GK5: variants seen among roughly 807,000 people sequenced by gnomAD.
GK5 encodes ATP:glycerol 3-phosphotransferase 5.
GK5 carries 39 observed loss-of-function variants against 77.3 expected under a neutral mutation model. The ratio of observed to expected loss-of-function variants is 0.50; its 90% CI spans 0.39 to 0.66. The LOEUF (loss-of-function observed/expected upper bound fraction) is 0.66, where lower values mean the gene tolerates loss of function less well. Ranked by LOEUF, GK5 falls within the 30% of genes least tolerant of loss-of-function variation. GK5 has a pLI of 0.00. For synonymous variants in GK5, 211 were observed against 208.0 expected, an observed-to-expected ratio of 1.01 and a Z score of -0.13; for missense variants, 487 against 633.8, an observed-to-expected ratio of 0.77 and a Z score of 2.49.
chr3:142,175,169 A>C (rs1258512491), intron 12 of GK5, among the ~76,000 whole-genome samples: 1 of 152,162 alleles, frequency 6.6e-6, no homozygotes, highest in Non-Finnish European at 1.5e-5. Context: ...AGTAACTCTA[A>C]CGTCCAGGTA....
At chr3:142,206,168 T>C (rs181928391) in intron 3 of GK5, among the ~76,000 whole-genome samples, 23 of 152,364 alleles carry the variant, frequency 1.5e-4, no homozygotes, top group Admixed American at 1.4e-3. Flanking sequence ...CATCTGTTGG[T>C]ACACACTTGG....
intron 2 of GK5, among the ~76,000 whole-genome samples, chr3:142,214,624 T>A (rs2064245866): frequency 6.6e-6 from 1 of 152,186 alleles, no homozygotes; most frequent in Non-Finnish European, 1.5e-5. Flanking sequence ...AAATTGCCAA[T>A]GTCATAAGAA....
At chr3:142,203,529 C>T (rs1444719049) in intron 4 of GK5, among the ~76,000 whole-genome samples, 2 of 152,200 alleles carry the variant, frequency 1.3e-5, no homozygotes, top group East Asian at 3.8e-4. Flanking sequence ...AATCCCCGCA[C>T]TTTGGGAGGC....
At chr3:142,210,876 T>C (rs984028980) in intron 3 of GK5, among the ~76,000 whole-genome samples, 2 of 152,250 alleles carry the variant, frequency 1.3e-5, no homozygotes, top group African/African-American at 4.8e-5. Context: ...CTGGGGCCAA[T>C]GGCCAAGTGA....
At chr3:142,178,556 C>T (rs1430285920) in intron 11 of GK5, among the ~76,000 whole-genome samples, 2 of 152,212 alleles carry the variant, frequency 1.3e-5, no homozygotes, top group Non-Finnish European at 2.9e-5. Flanking sequence ...TGTTAAACAT[C>T]GTACTCGTGA....
At chr3:142,170,954 C>G (rs778207823) in intron 14 of GK5, among the ~76,000 whole-genome samples, 3 of 151,992 alleles carry the variant, frequency 2.0e-5, no homozygotes, top group Non-Finnish European at 4.4e-5. Context: ...TGTAGCTGGG[C>G]GCGTTGGCTC....
At chr3:142,223,448 G>A (rs913651500) in intron 1 of GK5, among the ~76,000 whole-genome samples, 1 of 152,204 alleles carries the variant, frequency 6.6e-6, no homozygotes, top group Non-Finnish European at 1.5e-5. Flanking sequence ...GCTGGGATAG[G>A]GATAGTGTGT....
intron 3 of GK5, among the ~76,000 whole-genome samples, chr3:142,212,786 T>C (rs1392734015): frequency 2.0e-5 from 3 of 151,526 alleles, no homozygotes; most frequent in Non-Finnish European, 4.4e-5. Context: ...ATTATAACTG[T>C]GTTTAGAGTA....
rs1005072924 is a variant in GK5 at position 142,160,595 on chromosome 3, C to A, written c.*5027G>T. On this transcript the variant is annotated 3_prime_UTR_variant, in exon 16 of 16. Coordinates refer to ENST00000392993, the MANE Select transcript of GK5 (RefSeq NM_001039547.3). ...ATTCAATCTGTTAGTCATCTGCAGT[C>A]AAATATATAAAACCTGTGAAGAGAA... is the stretch of plus-strand genomic sequence containing the variant. The A allele has an allele frequency of 3.3e-5, 5 of 152,142 alleles. No individual in the cohort carries two copies. The highest frequency in any genetic ancestry group is 7.2e-5 in the African/African-American group (3 of 41,424). The allele number at this position is 152,142 out of a possible 1,614,324, so 9.4% of individuals were successfully genotyped here.
chr3:142,178,360 A>G (rs2063649859), intron 11 of GK5, among the ~76,000 whole-genome samples: 1 of 152,224 alleles, frequency 6.6e-6, no homozygotes, highest in Non-Finnish European at 1.5e-5. Context: ...CAGATATATT[A>G]AAAGTCAATT....
intron 11 of GK5, 48 bp from the exon 12 acceptor site, chr3:142,177,624 G>A: frequency 9.5e-7 from 1 of 1,050,424 alleles, no homozygotes; most frequent in Non-Finnish European, 1.5e-6. Context: ...AAATGAAGAG[G>A]TTAGAGAGGC....
intron 4 of GK5, among the ~76,000 whole-genome samples, chr3:142,200,857 A>G (rs1560228158): frequency 6.6e-6 from 1 of 152,246 alleles, no homozygotes; most frequent in Non-Finnish European, 1.5e-5. Flanking sequence ...CAAATTGAAC[A>G]ATATGGGCAG....
rs1216157365 is a variant in GK5, at chr3:142,185,942, G to A, written c.803C>T (p.Pro268Leu). The A allele has an allele frequency of 1.9e-6, 3 of 1,608,826 alleles. No homozygotes were observed. Among genetic ancestry groups the A allele is most frequent in the Non-Finnish European group, 2.5e-6 (3 of 1,177,410 alleles). ...TTTCCTACTTACCAAGGCAACTATT[G>A]GTATAGGCACACCAAATATCTCTTC... ...VDEEIFGVPI[P>L]IVALVADQQS... Residue 268 changes from proline to leucine, a missense_variant, in exon 9 of 16, where the codon CCA becomes CTA. Around this residue, in one of 4 missense-constraint regions of GK5, gnomAD observed 323 missense variants for 437.4 expected, o/e 0.74. Coordinates refer to ENST00000392993, the MANE Select transcript of GK5 (RefSeq NM_001039547.3).
chr3:142,193,486 A>C (rs895135310), intron 5 of GK5, among the ~76,000 whole-genome samples: 1 of 151,262 alleles, frequency 6.6e-6, no homozygotes, highest in African/African-American at 2.4e-5. Flanking sequence ...TCTGCTACAA[A>C]AAAAAAAAAA....
chr3:142,202,762 A>C (rs1008380943), intron 4 of GK5, among the ~76,000 whole-genome samples: 4 of 152,060 alleles, frequency 2.6e-5, no homozygotes, highest in African/African-American at 9.7e-5. Context: ...TTCAAGACCA[A>C]CCTGACCAAC....
At chr3:142,198,625 G>A (rs1216693459) in intron 5 of GK5, among the ~76,000 whole-genome samples, 177 bp downstream of exon 5, 14 of 152,066 alleles carry the variant, frequency 9.2e-5, no homozygotes, top group Non-Finnish European at 2.1e-4. Flanking sequence ...AAAAAGAAAA[G>A]CAAAACAAAC....
At chr3:142,167,380 A>G (rs2063485557) in intron 15 of GK5, among the ~76,000 whole-genome samples, 1 of 152,072 alleles carries the variant, frequency 6.6e-6, no homozygotes, top group Admixed American at 6.5e-5. Flanking sequence ...TCTCAAAAAA[A>G]AAAAATTTTT....
intron 5 of GK5, among the ~76,000 whole-genome samples, chr3:142,197,204 AAAAG>A (rs937409155): frequency 4.1e-4 from 62 of 152,238 alleles, no homozygotes; most frequent in African/African-American, 1.3e-3. Flanking sequence ...AGAGAAAAAA[AAAAG>A]AAAGTGGGGT....
chr3:142,161,650 G>T lies in GK5; in HGVS notation c.*3972C>A, dbSNP rs2063426885. The T allele has an allele frequency of 6.6e-6, 1 of 152,148 alleles. No individual in the cohort carries two copies. The highest frequency in any genetic ancestry group is 1.5e-5 in the Non-Finnish European group (1 of 68,022). 9.4% of individuals were successfully genotyped at this position (152,148 alleles called of 1,614,324 possible). Reference sequence around the variant, plus strand: ...TCCTTTGTTCAGAGATAAAAAGGAAGCAAAAAAGCAGGTCAAATCAAAGAT... The same window carrying T: ...TCCTTTGTTCAGAGATAAAAAGGAATCAAAAAAGCAGGTCAAATCAAAGAT... On this transcript the variant is annotated 3_prime_UTR_variant, in exon 16 of 16. Transcript: ENST00000392993.
Sources: allele counts gnomAD v4.1 joint callset (sites outside exome capture counted in the v4.1 genomes callset), GRCh38; gene constraint gnomAD v4.1.1; regional missense constraint gnomAD v4.1.1; transcripts MANE v1.5; gene names NCBI Gene and HGNC (gene_info 2026-07-23, HGNC 2026-07-21).